Variants in PIAS4 observed in about 807,000 individuals in gnomAD.
The protein encoded by PIAS4 is E3 SUMO-protein ligase PIAS4.
A neutral mutation model predicts 58.0 loss-of-function variants in PIAS4; 7 were observed. The observed-to-expected ratio is 0.12, with a 90% CI of 0.07 to 0.23. The LOEUF (loss-of-function observed/expected upper bound fraction) is 0.23, where lower values mean the gene tolerates loss of function less well. Ranked by LOEUF, PIAS4 falls within the 10% of genes least tolerant of loss-of-function variation. The probability of loss-of-function intolerance (pLI) is 1.00; values close to 1 mark genes in which losing one functional copy is unlikely to be tolerated. For missense variants in PIAS4, 550 were observed against 709.5 expected, an observed-to-expected ratio of 0.78 and a Z score of 2.55; for synonymous variants, 364 against 312.4, an observed-to-expected ratio of 1.17 and a Z score of -1.74.
At chr19:4,028,021 A>T (rs961357910) in intron 3 of PIAS4, 125 bp from the exon 4 acceptor site, 9 of 926,366 alleles carry the variant, frequency 9.7e-6, no homozygotes, top group Non-Finnish European at 1.6e-5. Flanking sequence ...CCTGGGCCTC[A>T]GTTTCCCAGC....
chr19:4,026,466 C>T lies in PIAS4; in HGVS notation c.540-1680C>T, dbSNP rs1330909534. ...TTTTCTTATGTCGAGATATGATTTG[C>T]ATACCATAGAATATACAGTTTTTAA... is the stretch of plus-strand genomic sequence containing the variant. On this transcript the variant is annotated intron_variant, in intron 3 of 10. Transcript: ENST00000262971. Among the ~76,000 whole-genome samples, 3 of 151,868 alleles carry T rather than the reference C, an allele frequency of 2.0e-5. No individual in the cohort carries two copies. In the East Asian group the frequency reaches 5.8e-4, roughly 30 times the overall value.
intron 7 of PIAS4, among the ~76,000 whole-genome samples, chr19:4,032,513 C>T (rs1012562562): frequency 1.9e-4 from 29 of 152,354 alleles, no homozygotes; most frequent in African/African-American, 7.0e-4. Flanking sequence ...GAGGGCGGCG[C>T]CTGCCTCCAA....
chr19:4,017,424 G>T (rs1370926953), intron 2 of PIAS4, among the ~76,000 whole-genome samples: 1 of 152,080 alleles, frequency 6.6e-6, no homozygotes, highest in African/African-American at 2.4e-5. Context: ...TAGAGTGGTC[G>T]GCATCACCCC....
Position 4,026,010 on chromosome 19 carries a change from C to T in PIAS4, c.539+1890C>T, listed in dbSNP as rs1407805097. Among the ~76,000 whole-genome samples, 6 of 137,272 alleles carry T rather than the reference C, an allele frequency of 4.4e-5. 1 individual carries two copies. The highest frequency in any genetic ancestry group is 1.7e-4 in the African/African-American group (6 of 34,360). 90.1% of individuals were successfully genotyped at this position (137,272 alleles called of 152,430 possible). A position where few individuals can be genotyped will look rare whatever the true frequency, so the allele number is the denominator to read the frequency against. ...AATGGCGTGAACCCGGGAGGCGGAG[C>T]TTGCAGTGAGCCGAGATCCTGCCAC... On this transcript the variant is annotated intron_variant, in intron 3 of 10. Coordinates refer to ENST00000262971, the MANE Select transcript of PIAS4 (RefSeq NM_015897.4).
At chr19:4,014,944 C>T (rs1391555569) in intron 2 of PIAS4, among the ~76,000 whole-genome samples, 2 of 152,194 alleles carry the variant, frequency 1.3e-5, no homozygotes, top group Non-Finnish European at 1.5e-5. Flanking sequence ...GAGGAAGGTG[C>T]TGTCGGTGGT....
At chr19:4,030,162 T>C (rs941384217) in intron 7 of PIAS4, among the ~76,000 whole-genome samples, 4 of 150,750 alleles carry the variant, frequency 2.7e-5, no homozygotes, top group Admixed American at 6.7e-5. Flanking sequence ...GGAATCTTGC[T>C]GTGTTGCCCA....
In PIAS4 at chr19:4,024,070, G is replaced by T. The variant is rs776386279; in HGVS notation, c.489G>T (p.Pro163=). Residue 163 remains proline, a synonymous_variant, in exon 3 of 11, where the codon CCG becomes CCT. Coordinates refer to ENST00000262971, the MANE Select transcript of PIAS4 (RefSeq NM_015897.4). ...PQNNEKLQES[P]CIFALTPRQV... ...ACAACGAGAAGCTTCAGGAGAGCCC[G>T]TGCATCTTCGCATTGACGCCAAGAC... The T allele has an allele frequency of 1.9e-5, 31 of 1,614,028 alleles. No homozygotes were observed. Among genetic ancestry groups the T allele is most frequent in the Non-Finnish European group, 2.6e-5 (31 of 1,179,896 alleles).
At chr19:4,030,064 C>G (rs920365601) in intron 7 of PIAS4, among the ~76,000 whole-genome samples, 1 of 151,590 alleles carries the variant, frequency 6.6e-6, no homozygotes, top group Non-Finnish European at 1.5e-5. Context: ...CCTCGTGATC[C>G]GCTTGCCTCG....
At chr19:4,020,410 G>A (rs1006578644) in intron 2 of PIAS4, among the ~76,000 whole-genome samples, 6 of 152,186 alleles carry the variant, frequency 3.9e-5, no homozygotes, top group African/African-American at 1.2e-4. Flanking sequence ...GGGGCAGTTC[G>A]CCATCCCTGT....
chr19:4,010,063 T>C (rs1196742832), intron 1 of PIAS4, among the ~76,000 whole-genome samples: 2 of 151,842 alleles, frequency 1.3e-5, no homozygotes, highest in African/African-American at 2.4e-5. Flanking sequence ...AAGCCTGGAG[T>C]TGAAACTCTG....
intron 7 of PIAS4, among the ~76,000 whole-genome samples, chr19:4,032,045 G>A (rs757675388): frequency 2.0e-5 from 3 of 152,182 alleles, no homozygotes; most frequent in African/African-American, 4.8e-5. Context: ...ACGTCCCCAC[G>A]GGAGAAGGAA....
chr19:4,023,859 C>T (rs369631487), intron 2 of PIAS4, among the ~76,000 whole-genome samples, 177 bp from the exon 3 acceptor site: 1 of 152,212 alleles, frequency 6.6e-6, no homozygotes, highest in Non-Finnish European at 1.5e-5. Flanking sequence ...AGGGGATGGG[C>T]GGGAGTCCTC....
At chr19:4,011,018 T>C (rs965706135) in intron 1 of PIAS4, among the ~76,000 whole-genome samples, 3 of 152,224 alleles carry the variant, frequency 2.0e-5, no homozygotes, top group African/African-American at 7.2e-5. Flanking sequence ...GGGCCCCGGC[T>C]GCTGCAGCTT....
Position 4,033,297 on chromosome 19 carries a change from C to G in PIAS4, c.982-123C>G. ...TGCGGGGGCGAGGCTGGTCTTCGTC[C>G]CCTCCGTGTTCCTGAGGCATGAGTG... On this transcript the variant is annotated intron_variant, in intron 8 of 10. Coordinates refer to ENST00000262971, the MANE Select transcript of PIAS4 (RefSeq NM_015897.4). 2.3e-6 allele frequency: 3 copies of G among 1,322,546 alleles called. No homozygotes were observed. In the South Asian group the frequency reaches 3.9e-5, roughly 17 times the overall value. 81.9% of individuals were successfully genotyped at this position (1,322,546 alleles called of 1,614,324 possible). A position where few individuals can be genotyped will look rare whatever the true frequency, so the allele number is the denominator to read the frequency against.
In PIAS4 at chr19:4,034,324, G is replaced by C. The variant is rs2040254446; in HGVS notation, c.1142+744G>C. ...CATGGCCTCAGCGGACTGTGCAGGTGAAGGCAGGGCTGGCCTGCCTCTGGG... is the reference window on the plus strand; with the variant it reads ...CATGGCCTCAGCGGACTGTGCAGGTCAAGGCAGGGCTGGCCTGCCTCTGGG... On this transcript the variant is annotated intron_variant, in intron 9 of 10. Transcript: ENST00000262971. Among the ~76,000 whole-genome samples, 6 of 152,178 alleles carry C rather than the reference G, an allele frequency of 3.9e-5. 1 individual carries two copies. The South Asian group carries it at 1.2e-3, about 31-fold the overall frequency.
rs2040020841 is a variant in PIAS4 at position 4,013,496 on chromosome 19, T to C, written c.454+147T>C. The C allele has an allele frequency of 4.4e-6, 3 of 679,296 alleles. No homozygotes were observed. The highest frequency in any genetic ancestry group is 5.7e-5 in the Admixed American group (2 of 34,920). 42.1% of individuals were successfully genotyped at this position (679,296 alleles called of 1,614,324 possible). On this transcript the variant is annotated intron_variant, in intron 2 of 10. Coordinates refer to ENST00000262971, the MANE Select transcript of PIAS4 (RefSeq NM_015897.4). The surrounding 1 kb of genome is among the most constrained non-coding windows in gnomAD (Gnocchi z 5.1). ...CCACAGTGGCCAGGGGTGTCCTTCC[T>C]CGGAAGCAAAGGGACCATCTTTGAT...
chr19:4,037,967 CTT>C lies in PIAS4; in HGVS notation c.*96_*97del. 2 of 1,357,912 alleles carry C rather than the reference CTT, an allele frequency of 1.5e-6. No homozygotes were observed. The highest frequency in any genetic ancestry group is 2.0e-6 in the Non-Finnish European group (2 of 1,011,604). The allele number at this position is 1,357,912 out of a possible 1,614,324, so 84.1% of individuals were successfully genotyped here. A position where few individuals can be genotyped will look rare whatever the true frequency, so the allele number is the denominator to read the frequency against. ...AGAGGGAGGAGTGACCTTTCTTTTT[CTT>C]TTTATTGTCGTTCGTTTTGTTTTTC... is the stretch of plus-strand genomic sequence containing the variant. On this transcript the variant is annotated 3_prime_UTR_variant, in exon 11 of 11. Transcript: ENST00000262971. The surrounding 1 kb of genome is among the most constrained non-coding windows in gnomAD (Gnocchi z 5.8).
chr19:4,028,923 G>T lies in PIAS4; in HGVS notation c.802-8G>T. 3.7e-6 allele frequency: 6 copies of T among 1,608,014 alleles called. No individual in the cohort carries two copies. Among genetic ancestry groups the T allele is most frequent in the Non-Finnish European group, 5.1e-6 (6 of 1,176,866 alleles). ...CTGCCAGCCCTGACCCCTTCCTTCT[G>T]TCCCCAGAGCTACTCGGTGGCCCTG... On this transcript the variant is annotated splice_region_variant and splice_polypyrimidine_tract_variant and intron_variant, in intron 6 of 10. Transcript: ENST00000262971.
intron 3 of PIAS4, among the ~76,000 whole-genome samples, chr19:4,025,490 C>A (rs552480221): frequency 1.2e-4 from 19 of 152,302 alleles, no homozygotes; most frequent in African/African-American, 4.6e-4. Context: ...CTGGGCCGGG[C>A]GCCCCCATTT....
Sources: allele counts gnomAD v4.1 joint callset (sites outside exome capture counted in the v4.1 genomes callset), GRCh38; gene constraint gnomAD v4.1.1; non-coding constraint Gnocchi (gnomAD v3.1); transcripts MANE v1.5; gene names NCBI Gene and HGNC (gene_info 2026-07-23, HGNC 2026-07-21).